LONRF2: variants seen among roughly 807,000 people sequenced by gnomAD.
The protein encoded by LONRF2 is LON peptidase N-terminal domain and RING finger protein 2.
In LONRF2, 35 loss-of-function variants were observed where a neutral mutation model predicts 66.6. The observed-to-expected ratio is 0.53, with a 90% CI of 0.40 to 0.70. The LOEUF (loss-of-function observed/expected upper bound fraction) is 0.70, where lower values mean the gene tolerates loss of function less well. LONRF2 is among the 30% of genes least tolerant of loss of function. The pLI, the probability that LONRF2 is intolerant of heterozygous loss-of-function variation, is 0.00. For synonymous variants in LONRF2, 417 were observed against 418.1 expected (o/e 1.00, Z 0.03); for missense variants, 902 against 1,002.1 (o/e 0.90, Z 1.35).
Position 100,321,532 on chromosome 2 carries a change from C to T in LONRF2, c.562G>A (p.Glu188Lys). The change falls in exon 1 of 12, where the codon GAG (glutamate) becomes AAG (lysine). Residue 188 changes from glutamate (E) to lysine (K), a missense_variant. Around this residue, in one of 2 missense-constraint regions of LONRF2, gnomAD observed 585 missense variants for 569.9 expected, o/e 1.03. Transcript: ENST00000393437. ...RVNVVLSGLL[E>K]KCFPAECRLR... is the part of the protein sequence containing the mutation. The stretch of plus-strand genomic sequence containing the variant: ...CGGCACTCGGCCGGGAAGCACTTCT[C>T]CAGCAGGCCGCTCAGCACCACGTTC... The T allele has an allele frequency of 6.4e-7, 1 of 1,552,468 alleles. No individual in the cohort carries two copies. The highest frequency in any genetic ancestry group is 1.2e-5 in the South Asian group (1 of 86,234).
intron 2 of LONRF2, 150 bp from the exon 3 acceptor site, chr2:100,303,193 C>T (rs896899788): frequency 2.8e-5 from 22 of 791,504 alleles, no homozygotes; most frequent in South Asian, 1.5e-4. Context: ...ATGACTCTAT[C>T]GCTACTTTCT....
chr2:100,278,083 T>C lies in LONRF2; in HGVS notation c.*6215A>G, dbSNP rs1232102455. ...CAATCGGTTTCACGAAGACACACAA[T>C]GGTCTCCTCAAACAACTCCATTTCA... On this transcript the variant is annotated 3_prime_UTR_variant, in exon 12 of 12. Transcript: ENST00000393437. The C allele has an allele frequency of 6.6e-6, 1 of 152,122 alleles. No homozygotes were observed. The highest frequency in any genetic ancestry group is 1.5e-5 in the Non-Finnish European group (1 of 68,022). The allele number at this position is 152,122 out of a possible 1,614,324, so 9.4% of individuals were successfully genotyped here.
At position 100,299,219 on chromosome 2, in the gene LONRF2, A is replaced by G; in HGVS notation, c.1361+7T>C. 2 of 1,572,800 alleles carry G rather than the reference A, an allele frequency of 1.3e-6. No homozygotes were observed. The highest frequency in any genetic ancestry group is 1.7e-6 in the Non-Finnish European group (2 of 1,156,430). ...AAAAGAGTTGCACGGATTCTGTACCATCCTACCTCATGCAGAGGGCACACT... is the reference window on the plus strand; with the variant it reads ...AAAAGAGTTGCACGGATTCTGTACCGTCCTACCTCATGCAGAGGGCACACT... On this transcript the variant is annotated splice_region_variant and intron_variant, in intron 6 of 11. Coordinates refer to ENST00000393437, the MANE Select transcript of LONRF2 (RefSeq NM_198461.4).
intron 11 of LONRF2, among the ~76,000 whole-genome samples, chr2:100,286,606 A>C (rs1308325107): frequency 6.6e-6 from 1 of 152,220 alleles, no homozygotes; most frequent in Non-Finnish European, 1.5e-5. Context: ...CAATACAATA[A>C]AGTTACTACT....
rs1674550206 is a variant in LONRF2 at position 100,274,144 on chromosome 2, A to T, written c.*10154T>A. On this transcript the variant is annotated 3_prime_UTR_variant, in exon 12 of 12. Coordinates refer to ENST00000393437, the MANE Select transcript of LONRF2 (RefSeq NM_198461.4). ...CCTTCAAAGGTCACATGCGCCAACC[A>T]GCCGAGACTCATGACAGTAAACTTC... 1 of 152,144 alleles carries T rather than the reference A, an allele frequency of 6.6e-6. No individual in the cohort carries two copies. The allele number at this position is 152,144 out of a possible 1,614,324, so 9.4% of individuals were successfully genotyped here. A position where few individuals can be genotyped will look rare whatever the true frequency, so the allele number is the denominator to read the frequency against.
rs996256969 is a variant in LONRF2, at chr2:100,272,365, G to T, written c.*11933C>A. Reference sequence around the variant, plus strand: ...AGTAAAAAAATTAGCCGGGTATAGCGGCATGCACCTGTGGTCCCAGCTACT... The same window carrying T: ...AGTAAAAAAATTAGCCGGGTATAGCTGCATGCACCTGTGGTCCCAGCTACT... On this transcript the variant is annotated 3_prime_UTR_variant, in exon 12 of 12. Transcript: ENST00000393437. 2.0e-5 allele frequency among the ~76,000 whole-genome samples: 3 copies of T among 152,054 alleles called. No individual in the cohort carries two copies. The highest frequency in any genetic ancestry group is 4.4e-5 in the Non-Finnish European group (3 of 68,020).
chr2:100,316,318 C>CAAA lies in LONRF2; in HGVS notation c.679+5094_679+5096dup, dbSNP rs57110532. Among the ~76,000 whole-genome samples the CAAA allele has an allele frequency of 2.9e-3, 297 of 100,828 alleles. 6 individuals carry two copies. The highest frequency in any genetic ancestry group is 0.011 in the African/African-American group (271 of 24,008). 66.1% of individuals were successfully genotyped at this position (100,828 alleles called of 152,430 possible). A position where few individuals can be genotyped will look rare whatever the true frequency, so the allele number is the denominator to read the frequency against. On this transcript the variant is annotated intron_variant, in intron 1 of 11. Transcript: ENST00000393437. Reference sequence around the variant, plus strand: ...TGGGCAACAGAGCGAGACTCCATCTCAAAAAAAAAAAAAAAAAAAAGAAAG... The same window carrying CAAA: ...TGGGCAACAGAGCGAGACTCCATCTCAAAAAAAAAAAAAAAAAAAAAAAGAAAG...
intron 10 of LONRF2, among the ~76,000 whole-genome samples, chr2:100,288,356 G>T (rs1224920006): frequency 6.6e-6 from 1 of 152,194 alleles, no homozygotes; most frequent in Non-Finnish European, 1.5e-5. Flanking sequence ...CCCCCAAAAT[G>T]ACTTCCAGTG....
In LONRF2 at chr2:100,280,408, T is replaced by C. The variant is rs932839473; in HGVS notation, c.*3890A>G. The C allele has an allele frequency of 6.6e-6, 1 of 152,142 alleles. No individual in the cohort carries two copies. Among genetic ancestry groups the C allele is most frequent in the Non-Finnish European group, 1.5e-5 (1 of 68,044 alleles). 9.4% of individuals were successfully genotyped at this position (152,142 alleles called of 1,614,324 possible). ...TTTTTGGTGAACAATAGAATCAGAA[T>C]GTGGCCTTTGGGAAGGACGATGTTG... is the stretch of plus-strand genomic sequence containing the variant. On this transcript the variant is annotated 3_prime_UTR_variant, in exon 12 of 12. Coordinates refer to ENST00000393437, the MANE Select transcript of LONRF2 (RefSeq NM_198461.4).
At chr2:100,301,699 G>A (rs570244650) in intron 3 of LONRF2, among the ~76,000 whole-genome samples, 2 of 152,322 alleles carry the variant, frequency 1.3e-5, no homozygotes, top group African/African-American at 4.8e-5. Context: ...AAACGCTCCA[G>A]GTAGACAACA....
intron 1 of LONRF2, among the ~76,000 whole-genome samples, chr2:100,319,308 T>C (rs1253041452): frequency 6.6e-6 from 1 of 152,208 alleles, no homozygotes; most frequent in Non-Finnish European, 1.5e-5. Flanking sequence ...ATATAAGTTC[T>C]CATATGAATT....
intron 2 of LONRF2, among the ~76,000 whole-genome samples, chr2:100,306,478 A>C: frequency 6.6e-6 from 1 of 152,208 alleles, no homozygotes; most frequent in East Asian, 1.9e-4. Context: ...CTGGCTTTTA[A>C]GTAATTTTAA....
Position 100,281,467 on chromosome 2 carries a change from T to C in LONRF2, c.*2831A>G, listed in dbSNP as rs1395887318. 3.3e-5 allele frequency: 5 copies of C among 152,172 alleles called. No homozygotes were observed. The highest frequency in any genetic ancestry group is 7.3e-5 in the Non-Finnish European group (5 of 68,032). 9.4% of individuals were successfully genotyped at this position (152,172 alleles called of 1,614,324 possible). A position where few individuals can be genotyped will look rare whatever the true frequency, so the allele number is the denominator to read the frequency against. The stretch of plus-strand genomic sequence containing the variant: ...TTTTCTTTTGAAACTTTAAAAAGTA[T>C]CCTAACTTTCAATTCTGAAGATGAG... On this transcript the variant is annotated 3_prime_UTR_variant, in exon 12 of 12. Transcript: ENST00000393437.
chr2:100,304,117 A>C (rs915172593), intron 2 of LONRF2, among the ~76,000 whole-genome samples: 64 of 151,906 alleles, frequency 4.2e-4, no homozygotes, highest in African/African-American at 1.5e-3. Flanking sequence ...AGAAATTTTA[A>C]ATTTCAGCAT....
At chr2:100,296,042 A>G (rs1481252022) in intron 7 of LONRF2, among the ~76,000 whole-genome samples, 1 of 152,176 alleles carries the variant, frequency 6.6e-6, no homozygotes, top group Non-Finnish European at 1.5e-5. Flanking sequence ...GGATGCATGC[A>G]AAAGGCAAAG....
intron 1 of LONRF2, among the ~76,000 whole-genome samples, chr2:100,314,788 CA>C (rs149427780): frequency 0.01 from 1,532 of 152,116 alleles, 25 homozygotes; most frequent in African/African-American, 0.035. Flanking sequence ...CATTGAATTC[CA>C]TTAGCATCTT....
intron 2 of LONRF2, among the ~76,000 whole-genome samples, chr2:100,304,782 C>T (rs1483799297): frequency 7.4e-6 from 1 of 135,958 alleles, no homozygotes; most frequent in Non-Finnish European, 1.6e-5. Flanking sequence ...TGCCACCATG[C>T]CTGGCTAATT....
intron 1 of LONRF2, among the ~76,000 whole-genome samples, chr2:100,316,368 A>ATTCTAATAATTCTAATAATTATTAGAAT (rs545419896): frequency 0.024 from 3,569 of 150,014 alleles, 141 homozygotes; most frequent in African/African-American, 0.085. Flanking sequence ...ATTATTAGAA[A>ATTCTAATAATTCTAATAATTATTAGAAT]TTCTAATAAT....
At position 100,275,192 on chromosome 2, in the gene LONRF2, C is replaced by CCA. The variant is rs1319191806; in HGVS notation, c.*9105_*9106insTG. On this transcript the variant is annotated 3_prime_UTR_variant, in exon 12 of 12. Transcript: ENST00000393437. ...CTAGGGTGATGTCAATCGCAGTCCC[C>CCA]TACACAGGACCTTCTGGGTATAATT... The CCA allele has an allele frequency of 2.6e-5, 4 of 152,254 alleles. No homozygotes were observed. The highest frequency in any genetic ancestry group is 2.9e-5 in the Non-Finnish European group (2 of 68,058). 9.4% of individuals were successfully genotyped at this position (152,254 alleles called of 1,614,324 possible). A position where few individuals can be genotyped will look rare whatever the true frequency, so the allele number is the denominator to read the frequency against.
Sources: allele counts gnomAD v4.1 joint callset (sites outside exome capture counted in the v4.1 genomes callset), GRCh38; gene constraint gnomAD v4.1.1; regional missense constraint gnomAD v4.1.1; transcripts MANE v1.5; gene names NCBI Gene and HGNC (gene_info 2026-07-23, HGNC 2026-07-21).